Variants in ARHGAP42 observed in about 807,000 individuals in gnomAD.
ARHGAP42 encodes rho GTPase-activating protein 42.
Under a neutral mutation model 125.0 loss-of-function variants are expected in ARHGAP42, and 63 were observed. That is an observed-to-expected ratio of 0.50 (90% CI 0.41 to 0.62). ARHGAP42 has a LOEUF of 0.62. ARHGAP42 is among the 20% of genes least tolerant of loss of function. ARHGAP42 has a pLI of 0.00. For synonymous variants in ARHGAP42, 339 were observed against 351.0 expected (o/e 0.97, Z 0.38); for missense variants, 766 against 1,024.2 (o/e 0.75, Z 3.44).
intron 1 of ARHGAP42, among the ~76,000 whole-genome samples, chr11:100,711,753 G>A (rs1415451357): frequency 6.6e-6 from 1 of 152,208 alleles, no homozygotes; most frequent in Non-Finnish European, 1.5e-5. Context: ...AGGTCAGGAA[G>A]CCAATAGGTA....
chr11:100,694,131 C>T (rs1404767911), intron 1 of ARHGAP42, among the ~76,000 whole-genome samples: 1 of 151,900 alleles, frequency 6.6e-6, no homozygotes, highest in African/African-American at 2.4e-5. Flanking sequence ...TAGGGTTTCA[C>T]CATGTTGGCC....
chr11:100,704,994 A>G (rs1861455834), intron 1 of ARHGAP42, among the ~76,000 whole-genome samples: 1 of 109,010 alleles, frequency 9.2e-6, no homozygotes, highest in African/African-American at 4.2e-5. Context: ...GGTGAGCCAA[A>G]CCCCAACAAC....
chr11:100,795,193 A>G, intron 3 of ARHGAP42, 27 bp downstream of exon 3: 1 of 1,482,224 alleles, frequency 6.7e-7, no homozygotes, highest in Non-Finnish European at 9.1e-7. Context: ...TTTCTTAAGA[A>G]TATTGCTTTG....
intron 2 of ARHGAP42, among the ~76,000 whole-genome samples, chr11:100,792,909 C>A (rs1458049584): frequency 6.6e-6 from 1 of 152,000 alleles, no homozygotes; most frequent in South Asian, 2.1e-4. Context: ...CCCGCCACCA[C>A]GCCCTGCTAA....
intron 4 of ARHGAP42, among the ~76,000 whole-genome samples, chr11:100,869,990 C>T (rs549235726): frequency 6.6e-6 from 1 of 152,284 alleles, no homozygotes; most frequent in East Asian, 1.9e-4. Flanking sequence ...ATACTATTTA[C>T]AAGTGCCATA....
intron 3 of ARHGAP42, among the ~76,000 whole-genome samples, chr11:100,857,639 T>C (rs1865351353): frequency 6.6e-6 from 1 of 152,162 alleles, no homozygotes; most frequent in Non-Finnish European, 1.5e-5. Context: ...TTTTCTACCA[T>C]GCATACTCCC....
intron 1 of ARHGAP42, among the ~76,000 whole-genome samples, chr11:100,727,186 G>A (rs1565543447): frequency 2.0e-5 from 3 of 152,156 alleles, no homozygotes; most frequent in Non-Finnish European, 4.4e-5. Context: ...AGCAAACTTG[G>A]AAAACCATCA....
intron 7 of ARHGAP42, among the ~76,000 whole-genome samples, chr11:100,935,014 T>TAA (rs1867693682): frequency 3.9e-5 from 6 of 152,052 alleles, no homozygotes; most frequent in Admixed American, 3.9e-4. Flanking sequence ...TAAAATTACA[T>TAA]TAAGATTCCT....
intron 1 of ARHGAP42, among the ~76,000 whole-genome samples, chr11:100,720,111 A>T (rs11224407): frequency 0.062 from 9,465 of 152,224 alleles, 409 homozygotes; most frequent in East Asian, 0.21. Context: ...CTAAATAGAG[A>T]ATCTGCTGGT....
chr11:100,710,785 C>G (rs189967664), intron 1 of ARHGAP42, among the ~76,000 whole-genome samples: 1,794 of 152,146 alleles, frequency 0.012, 36 homozygotes, highest in African/African-American at 0.041. Flanking sequence ...GTGATCTGCC[C>G]GCCTCGGTCT....
At chr11:100,933,907 C>T (rs868039604) in intron 7 of ARHGAP42, among the ~76,000 whole-genome samples, 1 of 152,114 alleles carries the variant, frequency 6.6e-6, no homozygotes, top group Non-Finnish European at 1.5e-5. Context: ...CCTGCCTCAG[C>T]TTCCCAAATA....
intron 2 of ARHGAP42, among the ~76,000 whole-genome samples, chr11:100,781,593 T>C (rs12419937): frequency 0.22 from 33,064 of 152,018 alleles, 4,624 homozygotes; most frequent in East Asian, 0.51. Flanking sequence ...AGATACATCA[T>C]TGTGCAAAAC....
chr11:100,769,245 G>A (rs1166025552), intron 1 of ARHGAP42, among the ~76,000 whole-genome samples: 3 of 152,188 alleles, frequency 2.0e-5, no homozygotes, highest in African/African-American at 7.2e-5. Context: ...GTGCTTGACT[G>A]TGTGAGGAAA....
intron 1 of ARHGAP42, among the ~76,000 whole-genome samples, chr11:100,725,409 T>A (rs1861837078): frequency 6.6e-6 from 1 of 151,844 alleles, no homozygotes; most frequent in African/African-American, 2.4e-5. Flanking sequence ...GACCTTGTGA[T>A]CTGCCCACCT....
At chr11:100,711,214 T>C (rs1432525671) in intron 1 of ARHGAP42, among the ~76,000 whole-genome samples, 1 of 152,246 alleles carries the variant, frequency 6.6e-6, no homozygotes, top group Non-Finnish European at 1.5e-5. Flanking sequence ...CCTTGCTAAC[T>C]GAAGCTTCTT....
chr11:100,848,206 A>T (rs564214588), intron 3 of ARHGAP42, among the ~76,000 whole-genome samples: 1 of 152,264 alleles, frequency 6.6e-6, no homozygotes, highest in South Asian at 2.1e-4. Flanking sequence ...CATACATTCC[A>T]ATTTTACTGT....
intron 17 of ARHGAP42, among the ~76,000 whole-genome samples, chr11:100,970,193 G>A (rs1195446678): frequency 2.0e-5 from 3 of 152,118 alleles, no homozygotes; most frequent in Non-Finnish European, 4.4e-5. Context: ...TCACCATGTT[G>A]GTTGGGCTGG....
chr11:100,900,572 C>T (rs1183288166), intron 4 of ARHGAP42, among the ~76,000 whole-genome samples: 1 of 152,220 alleles, frequency 6.6e-6, no homozygotes, highest in Non-Finnish European at 1.5e-5. Flanking sequence ...GGTCTTTTCA[C>T]ATGGTCCCAT....
intron 1 of ARHGAP42, among the ~76,000 whole-genome samples, chr11:100,769,991 A>C (rs1862935711): frequency 6.6e-6 from 1 of 152,110 alleles, no homozygotes; most frequent in Admixed American, 6.5e-5. Context: ...CTTGAAATAA[A>C]ATAAAATAAA....
Sources: gnomAD v4.1 joint callset for allele counts (sites outside exome capture counted in the v4.1 genomes callset) on GRCh38, gnomAD v4.1.1 for gene constraint, MANE v1.5 for transcripts, NCBI Gene and HGNC (gene_info 2026-07-23, HGNC 2026-07-21) for gene names.